The following CCDC158 variants were observed in gnomAD, a reference collection of about 807,000 sequenced individuals.
CCDC158 encodes the protein coiled-coil domain-containing protein 158.
In CCDC158, 116 loss-of-function variants were observed where a neutral mutation model predicts 138.6. The ratio of observed to expected loss-of-function variants is 0.84; its 90% CI spans 0.72 to 0.98. The LOEUF (loss-of-function observed/expected upper bound fraction) is 0.98, where lower values mean the gene tolerates loss of function less well. Among genes scored for constraint, CCDC158 ranks in the 50% least tolerant of loss-of-function variants. The pLI, the probability that CCDC158 is intolerant of heterozygous loss-of-function variation, is 0.00. For synonymous variants in CCDC158, 436 were observed against 442.4 expected (o/e 0.99, Z 0.18); for missense variants, 1,265 against 1,306.1 (o/e 0.97, Z 0.48).
In CCDC158 at chr4:76,417,958, C is replaced by G. The variant is rs1215895051; in HGVS notation, c.-117+3007G>C. ...CTTCTAATGGAGGCCAACTATGTGT[C>G]ATGCCAAAAGGAACACTGTGCTTAT... On this transcript the variant is annotated intron_variant, in intron 1 of 24. Coordinates refer to ENST00000682701, the MANE Select transcript of CCDC158 (RefSeq NM_001394954.1). 3.3e-5 allele frequency among the ~76,000 whole-genome samples: 5 copies of G among 152,182 alleles called. No individual in the cohort carries two copies. In the East Asian group the frequency reaches 9.6e-4, roughly 29 times the overall value.
At position 76,421,005 on chromosome 4, in the gene CCDC158, C is replaced by T. The variant is rs939339442; in HGVS notation, c.-157G>A. ...AATCCTAAGACACCGGCCACATCTC[C>T]GCGGGGCGCCGGCGGGCGCAGCGGC... On this transcript the variant is annotated 5_prime_UTR_variant, in exon 1 of 25. Transcript: ENST00000682701. Among the ~76,000 whole-genome samples the T allele has an allele frequency of 1.3e-5, 2 of 152,090 alleles. No homozygotes were observed. Among genetic ancestry groups the T allele is most frequent in the Non-Finnish European group, 2.9e-5 (2 of 68,000 alleles).
intron 10 of CCDC158, among the ~76,000 whole-genome samples, chr4:76,370,913 C>T (rs532849945): frequency 6.6e-6 from 1 of 152,266 alleles, no homozygotes; most frequent in South Asian, 2.1e-4. Context: ...GAAATTTATT[C>T]TGTTATACCA....
chr4:76,366,903 G>C (rs1724728528), intron 12 of CCDC158, among the ~76,000 whole-genome samples: 1 of 151,880 alleles, frequency 6.6e-6, no homozygotes, highest in Admixed American at 6.6e-5. Context: ...TTTACTTTTT[G>C]GTTTGGTTTT....
Position 76,334,119 on chromosome 4 carries a change from T to G in CCDC158, c.2713A>C (p.Lys905Gln). The change falls in exon 19 of 25, where the codon AAA (lysine) becomes CAA (glutamine). Residue 905 changes from lysine (K) to glutamine (Q), a missense_variant. Lys to Gln is a moderately conservative substitution (Grantham distance 53). Coordinates refer to ENST00000682701, the MANE Select transcript of CCDC158 (RefSeq NM_001394954.1). ...TLKEDPTRDL[K>Q]QLLQELRSVI... ...CTTCTCAACTCTTGGAGAAGCTGTTTCAGGTCCCTTGTTGGATCTTCCTTC... is the reference window on the plus strand; with the variant it reads ...CTTCTCAACTCTTGGAGAAGCTGTTGCAGGTCCCTTGTTGGATCTTCCTTC... The G allele has an allele frequency of 6.2e-7, 1 of 1,613,734 alleles. No individual in the cohort carries two copies. The highest frequency in any genetic ancestry group is 8.5e-7 in the Non-Finnish European group (1 of 1,179,704).
intron 7 of CCDC158, 92 bp downstream of exon 7, chr4:76,383,570 A>G: frequency 1.2e-6 from 1 of 855,592 alleles, no homozygotes; most frequent in Non-Finnish European, 2.0e-6. Context: ...TATGTGTTTC[A>G]GAGCTGTTTA....
rs763746027 is a variant in CCDC158, at chr4:76,334,060, G to T, written c.2772C>A (p.Ser924Arg). Residue 924 changes from serine to arginine, a missense_variant, in exon 19 of 25, where the codon AGC becomes AGA. By Grantham distance (110) the Ser-to-Arg change is moderately radical. Transcript: ENST00000682701. ...VINEEPAVSL[S>R]KTEEDGRTSL... ...ATGTTCTTCCATCTTCCTCTGTCTT[G>T]CTCAGAGACACAGCTGGCTCCTCAT... The T allele has an allele frequency of 6.2e-6, 10 of 1,613,646 alleles. No homozygotes were observed. The East Asian group carries it at 2.0e-4, about 32-fold the overall frequency.
At chr4:76,364,744 C>T (rs943002218) in intron 12 of CCDC158, among the ~76,000 whole-genome samples, 4 of 152,298 alleles carry the variant, frequency 2.6e-5, no homozygotes, top group South Asian at 2.1e-4. Context: ...CCCAAATTAT[C>T]GCCCTACTGG....
chr4:76,390,648 C>T (rs1560464268), intron 4 of CCDC158, among the ~76,000 whole-genome samples: 1 of 151,824 alleles, frequency 6.6e-6, no homozygotes, highest in Admixed American at 6.6e-5. Flanking sequence ...CAACATTGAA[C>T]ATAAATGGAC....
intron 20 of CCDC158, among the ~76,000 whole-genome samples, chr4:76,332,162 C>T (rs1721065358): frequency 6.6e-6 from 1 of 152,022 alleles, no homozygotes; most frequent in Non-Finnish European, 1.5e-5. Flanking sequence ...AAAAAGTCTT[C>T]CATTTTTGAT....
chr4:76,326,617 C>T lies in CCDC158; in HGVS notation c.3011-602G>A, dbSNP rs1171245183. On this transcript the variant is annotated intron_variant, in intron 22 of 24. Transcript: ENST00000682701. ...GCTGCTAAAACAAACCAATCAAAAA[C>T]AAAAACAATCTTAAAGCAAAAGGGG... Among the ~76,000 whole-genome samples, 4 of 151,900 alleles carry T rather than the reference C, an allele frequency of 2.6e-5. No homozygotes were observed. The East Asian group carries it at 5.8e-4, about 22-fold the overall frequency.
intron 24 of CCDC158, 106 bp from the exon 25 acceptor site, chr4:76,313,352 TG>T: frequency 1.7e-6 from 1 of 581,442 alleles, no homozygotes; most frequent in Non-Finnish European, 2.9e-6. Context: ...AGACATGTTC[TG>T]AGCTCAAGAC....
intron 2 of CCDC158, chr4:76,407,170 A>T (rs1313249624): frequency 6.6e-6 from 1 of 152,112 alleles, no homozygotes; most frequent in African/African-American, 2.4e-5. Flanking sequence ...ATTTAAAAAA[A>T]CCCTGAGCTT....
At chr4:76,352,916 G>A in intron 16 of CCDC158, 1 of 418,248 alleles carries the variant, frequency 2.4e-6, no homozygotes, top group Non-Finnish European at 4.2e-6. Context: ...AAGAAAATTT[G>A]GCAAAAAGTA....
At chr4:76,408,992 A>C (rs1729072959) in intron 2 of CCDC158, among the ~76,000 whole-genome samples, 1 of 152,200 alleles carries the variant, frequency 6.6e-6, no homozygotes, top group Non-Finnish European at 1.5e-5. Flanking sequence ...TCTTTTGAGA[A>C]GTGTCTGTTC....
intron 12 of CCDC158, among the ~76,000 whole-genome samples, chr4:76,365,788 C>T (rs372661750): frequency 2.6e-5 from 4 of 152,164 alleles, no homozygotes; most frequent in African/African-American, 9.7e-5. Context: ...AAATCTCACA[C>T]CCCATCCTAG....
chr4:76,352,073 G>T, intron 16 of CCDC158: 1 of 298,430 alleles, frequency 3.4e-6, no homozygotes, highest in South Asian at 8.4e-5. Context: ...GATGGAATGA[G>T]CAAACAGCTT....
intron 18 of CCDC158, chr4:76,344,630 A>G: frequency 1.3e-6 from 2 of 1,541,574 alleles, no homozygotes; most frequent in Non-Finnish European, 1.8e-6. Flanking sequence ...AGAGAGATAA[A>G]GTCAAATTTA....
At chr4:76,419,327 G>A (rs545110122) in intron 1 of CCDC158, among the ~76,000 whole-genome samples, 91 of 114,002 alleles carry the variant, frequency 8.0e-4, no homozygotes, top group African/African-American at 3.1e-3. Context: ...CTGAAGACCT[G>A]TAAACTATTC....
chr4:76,408,192 A>T (rs10023603), intron 2 of CCDC158, among the ~76,000 whole-genome samples: 28,931 of 148,774 alleles, frequency 0.19, 3,355 homozygotes, highest in East Asian at 0.35. Context: ...ATATATATAT[A>T]TTTTTTTATT....
Sources: gnomAD v4.1 joint callset for allele counts (sites outside exome capture counted in the v4.1 genomes callset) on GRCh38, gnomAD v4.1.1 for gene constraint, MANE v1.5 for transcripts, NCBI Gene and HGNC (gene_info 2026-07-23, HGNC 2026-07-21) for gene names.